Variants in SLC6A17 observed in about 807,000 individuals in gnomAD.
SLC6A17 encodes sodium-dependent neutral amino acid transporter SLC6A17.
A neutral mutation model predicts 64.5 loss-of-function variants in SLC6A17; 21 were observed. The observed-to-expected ratio is 0.33, with a 90% CI of 0.23 to 0.47. The LOEUF is 0.47. Among genes scored for constraint, SLC6A17 ranks in the 20% least tolerant of loss-of-function variants. The pLI is 1.00. For synonymous variants in SLC6A17, 372 were observed against 399.5 expected (o/e 0.93, Z 0.82); for missense variants, 682 against 963.2 (o/e 0.71, Z 3.86).
chr1:110,152,367 C>T (rs1355295334), intron 1 of SLC6A17, among the ~76,000 whole-genome samples: 4 of 152,330 alleles, frequency 2.6e-5, no homozygotes, highest in Admixed American at 2.6e-4. Context: ...AAATGGTGCC[C>T]ACCAGCTCTG....
chr1:110,196,189 C>G (rs1656961333), intron 10 of SLC6A17, among the ~76,000 whole-genome samples: 1 of 152,154 alleles, frequency 6.6e-6, no homozygotes, highest in Admixed American at 6.5e-5. Context: ...GAGGATTCAG[C>G]TCTAAGAAAG....
chr1:110,176,082 A>G (rs150082351), intron 5 of SLC6A17, among the ~76,000 whole-genome samples: 39 of 152,234 alleles, frequency 2.6e-4, no homozygotes, highest in African/African-American at 9.4e-4. Context: ...TTTTGTGAGC[A>G]TCTCGTGTGA....
At chr1:110,152,162 G>A (rs1655628039) in intron 1 of SLC6A17, among the ~76,000 whole-genome samples, 1 of 152,160 alleles carries the variant, frequency 6.6e-6, no homozygotes, top group Non-Finnish European at 1.5e-5. Flanking sequence ...TCTGTGAGGC[G>A]GACCCATCAC....
chr1:110,195,532 G>A, intron 9 of SLC6A17, 54 bp from the exon 10 acceptor site: 1 of 1,602,598 alleles, frequency 6.2e-7, no homozygotes, highest in Non-Finnish European at 8.5e-7. Flanking sequence ...AGACCCCCAG[G>A]GCCCTGCCCA....
At chr1:110,165,204 C>T (rs1027921542) in intron 1 of SLC6A17, among the ~76,000 whole-genome samples, 3 of 152,158 alleles carry the variant, frequency 2.0e-5, no homozygotes, top group Admixed American at 6.5e-5. Context: ...CAGGCCTCTC[C>T]GTTGCGTAAC....
At chr1:110,163,017 G>GT (rs1281704918) in intron 1 of SLC6A17, among the ~76,000 whole-genome samples, 3 of 87,308 alleles carry the variant, frequency 3.4e-5, no homozygotes, top group African/African-American at 9.5e-5. Context: ...ACCCATGTTG[G>GT]TAAAAAAAAA....
At chr1:110,170,605 G>T (rs1349123302) in intron 2 of SLC6A17, among the ~76,000 whole-genome samples, 1 of 152,242 alleles carries the variant, frequency 6.6e-6, no homozygotes, top group Non-Finnish European at 1.5e-5. Flanking sequence ...AGACCCAGGG[G>T]TCTAAGCATG....
At chr1:110,176,854 T>A in intron 6 of SLC6A17, 115 bp downstream of exon 6, 2 of 918,664 alleles carry the variant, frequency 2.2e-6, no homozygotes, top group Non-Finnish European at 3.4e-6. Flanking sequence ...ATGTGTTGGG[T>A]ATCGTACCAG....
chr1:110,173,639 C>T (rs1048272366), intron 3 of SLC6A17, among the ~76,000 whole-genome samples: 1 of 152,210 alleles, frequency 6.6e-6, no homozygotes, highest in Non-Finnish European at 1.5e-5. Context: ...ATTACAATCC[C>T]CAGTCATCAG....
At position 110,191,954 on chromosome 1, in the gene SLC6A17, C is replaced by G. The variant is rs1416266139; in HGVS notation, c.865-18C>G. The G allele has an allele frequency of 6.2e-7, 1 of 1,609,612 alleles. No homozygotes were observed. Among genetic ancestry groups the G allele is most frequent in the Non-Finnish European group, 8.5e-7 (1 of 1,176,760 alleles). On this transcript the variant is annotated intron_variant, in intron 6 of 11. Coordinates refer to ENST00000331565, the MANE Select transcript of SLC6A17 (RefSeq NM_001010898.4). The stretch of plus-strand genomic sequence containing the variant: ...TCTGTGTCTCTTTTCTTCCTCCTGC[C>G]TTGGTCTTCTGCCATAGCTGGACAA...
intron 6 of SLC6A17, among the ~76,000 whole-genome samples, chr1:110,187,090 C>T (rs547111444): frequency 5.9e-5 from 9 of 151,752 alleles, no homozygotes; most frequent in African/African-American, 2.2e-4. Flanking sequence ...AGCATGCAAG[C>T]GACGTGACCA....
rs1293234279 is a variant in SLC6A17, at chr1:110,174,886, A to G, written c.679A>G (p.Met227Val). 6.2e-7 allele frequency: 1 copy of G among 1,614,162 alleles called. No homozygotes were observed. The highest frequency in any genetic ancestry group is 2.2e-5 in the East Asian group (1 of 44,886). The change falls in exon 5 of 12, where the codon ATG (methionine) becomes GTG (valine). Residue 227 changes from methionine (M) to valine (V), a missense_variant. This residue lies in a region of SLC6A17 where 415 missense variants were observed against 603.8 expected (regional missense o/e 0.69). Coordinates refer to ENST00000331565, the MANE Select transcript of SLC6A17 (RefSeq NM_001010898.4). ...ISESGGLNWK[M>V]TLCLLVAWSI... Reference sequence around the variant, plus strand: ...GGAGAGTGGGGGCCTCAACTGGAAGATGACCCTGTGCCTCCTCGTGGCCTG... The same window carrying G: ...GGAGAGTGGGGGCCTCAACTGGAAGGTGACCCTGTGCCTCCTCGTGGCCTG...
chr1:110,198,317 C>A lies in SLC6A17; in HGVS notation c.2057C>A (p.Ser686Tyr), dbSNP rs767197802. 2 of 1,614,190 alleles carry A rather than the reference C, an allele frequency of 1.2e-6. No individual in the cohort carries two copies. The highest frequency in any genetic ancestry group is 4.5e-5 in the East Asian group (2 of 44,876). The change falls in exon 12 of 12, where the codon TCC becomes TAC. Residue 686 changes from serine (S) to tyrosine (Y), a missense_variant. By Grantham distance (144) the Ser-to-Tyr change is moderately radical (BLOSUM62 -2). Coordinates refer to ENST00000331565, the MANE Select transcript of SLC6A17 (RefSeq NM_001010898.4). ...ILSKVPSEAPSPMPTHRSYLG... is the reference protein window; with the variant it reads ...ILSKVPSEAPYPMPTHRSYLG... Reference sequence around the variant, plus strand: ...AGCAAGGTGCCCAGTGAGGCACCTTCCCCCATGCCCACTCACCGTTCCTAT... The same window carrying A: ...AGCAAGGTGCCCAGTGAGGCACCTTACCCCATGCCCACTCACCGTTCCTAT...
At chr1:110,179,775 A>T (rs1656472142) in intron 6 of SLC6A17, among the ~76,000 whole-genome samples, 1 of 151,426 alleles carries the variant, frequency 6.6e-6, no homozygotes, top group African/African-American at 2.4e-5. Context: ...TTGGTCTCGA[A>T]CTCCCGACCT....
intron 6 of SLC6A17, among the ~76,000 whole-genome samples, chr1:110,179,657 T>C (rs1366540929): frequency 6.6e-6 from 1 of 151,504 alleles, no homozygotes; most frequent in Non-Finnish European, 1.5e-5. Context: ...GGGTTCAAGC[T>C]ATTCTCCTGC....
chr1:110,194,759 G>A lies in SLC6A17; in HGVS notation c.1480G>A (p.Glu494Lys). 2 of 1,613,522 alleles carry A rather than the reference G, an allele frequency of 1.2e-6. No individual in the cohort carries two copies. Among genetic ancestry groups the A allele is most frequent in the Non-Finnish European group, 1.7e-6 (2 of 1,180,046 alleles). Residue 494 changes from glutamate to lysine, a missense_variant, in exon 9 of 12, where the codon GAG (glutamate) becomes AAG (lysine). By Grantham distance (56) the Glu-to-Lys change is moderately conservative. Coordinates refer to ENST00000331565, the MANE Select transcript of SLC6A17 (RefSeq NM_001010898.4). Reference sequence around the variant, plus strand: ...CATCGACACCTTCAAGGTGCCCAAGGAGATGTTCACAGGTAACTCCTCCCT... The same window carrying A: ...CATCGACACCTTCAAGGTGCCCAAGAAGATGTTCACAGGTAACTCCTCCCT... Reference protein sequence around the residue: ...PIIDTFKVPKEMFTVGCCVFA... With the variant: ...PIIDTFKVPKKMFTVGCCVFA...
chr1:110,161,590 C>T (rs147623334), intron 1 of SLC6A17, among the ~76,000 whole-genome samples: 1 of 152,244 alleles, frequency 6.6e-6, no homozygotes, highest in African/African-American at 2.4e-5. Flanking sequence ...CTGCCTGCTT[C>T]CCCAAAGATG....
intron 3 of SLC6A17, chr1:110,172,442 G>T: frequency 1.7e-6 from 1 of 580,440 alleles, no homozygotes; most frequent in Non-Finnish European, 2.9e-6. Flanking sequence ...TGGAAGATTT[G>T]CCATTGGTGC....
At chr1:110,180,461 A>G (rs1290468068) in intron 6 of SLC6A17, among the ~76,000 whole-genome samples, 6 of 152,154 alleles carry the variant, frequency 3.9e-5, no homozygotes, top group African/African-American at 1.4e-4. Context: ...GCTGAGAAGG[A>G]AGCTCTGGGG....
Sources: allele counts gnomAD v4.1 joint callset (sites outside exome capture counted in the v4.1 genomes callset), GRCh38; gene constraint gnomAD v4.1.1; regional missense constraint gnomAD v4.1.1; transcripts MANE v1.5; gene names NCBI Gene and HGNC (gene_info 2026-07-23, HGNC 2026-07-21).